The following CAPN5 variants were observed in gnomAD, a reference collection of about 807,000 sequenced individuals.
CAPN5 encodes the protein calpain 5.
CAPN5 carries 54 observed loss-of-function variants against 73.0 expected under a neutral mutation model. The observed-to-expected ratio is 0.74, with a 90% CI of 0.59 to 0.93. CAPN5 has a LOEUF of 0.93. Ranked by LOEUF, CAPN5 falls within the 40% of genes least tolerant of loss-of-function variation. CAPN5 has a pLI of 0.00. For missense variants in CAPN5, 785 were observed against 882.9 expected, an observed-to-expected ratio of 0.89 and a Z score of 1.41; for synonymous variants, 335 against 356.9, an observed-to-expected ratio of 0.94 and a Z score of 0.69.
Position 77,121,995 on chromosome 11 carries a change from C to A in CAPN5, c.1549C>A (p.Leu517Met). 1 of 1,563,886 alleles carries A rather than the reference C, an allele frequency of 6.4e-7. No individual in the cohort carries two copies. The highest frequency in any genetic ancestry group is 8.7e-7 in the Non-Finnish European group (1 of 1,153,680). Reference protein sequence around the residue: ...CWSSLCGYPQLVTQVHVLGAA... With the variant: ...CWSSLCGYPQMVTQVHVLGAA... ...GAGCTCCCTCTGTGGCTACCCCCAGCTGGTGACCCAGGTACATGTCCTGGG... is the reference window on the plus strand; with the variant it reads ...GAGCTCCCTCTGTGGCTACCCCCAGATGGTGACCCAGGTACATGTCCTGGG... The change falls in exon 11 of 13, where the codon CTG (leucine) becomes ATG (methionine). Residue 517 changes from leucine (L) to methionine (M), a missense_variant. Leu to Met is a conservative substitution (Grantham distance 15). Coordinates refer to ENST00000648180, the MANE Select transcript of CAPN5 (RefSeq NM_004055.5).
At chr11:77,121,373 G>A (rs1950518948) in intron 10 of CAPN5, among the ~76,000 whole-genome samples, 1 of 152,248 alleles carries the variant, frequency 6.6e-6, no homozygotes, top group African/African-American at 2.4e-5. Context: ...AGCTCTCTCA[G>A]TCCTTGCTGG....
intron 1 of CAPN5, among the ~76,000 whole-genome samples, chr11:77,071,068 G>T (rs1437828797): frequency 6.6e-6 from 1 of 152,186 alleles, no homozygotes; most frequent in African/African-American, 2.4e-5. Flanking sequence ...TATCTTTGGG[G>T]CCGTCATTCA....
intron 2 of CAPN5, among the ~76,000 whole-genome samples, chr11:77,092,631 G>C (rs1202549017): frequency 6.6e-6 from 1 of 152,248 alleles, no homozygotes; most frequent in African/African-American, 2.4e-5. Context: ...GGATTCCCTG[G>C]CTGCGTCTCA....
Position 77,120,726 on chromosome 11 carries a change from G to A in CAPN5, c.1304G>A (p.Arg435His), listed in dbSNP as rs781926169. ...CGCCTCCTGCAGGTGGAGGAGAACC[G>A]CCAGTACCGCATGCACAGCCTGCAG... is the stretch of plus-strand genomic sequence containing the variant. ...GFDIYKVEEN[R>H]QYRMHSLQHK... Residue 435 changes from arginine to histidine, a missense_variant, in exon 10 of 13, where the codon CGC becomes CAC. Physicochemically the swap from Arg to His is conservative, Grantham distance 29. Transcript: ENST00000648180. The A allele has an allele frequency of 6.8e-6, 11 of 1,608,600 alleles. No individual in the cohort carries two copies. The highest frequency in any genetic ancestry group is 4.5e-5 in the East Asian group (2 of 44,792).
intron 3 of CAPN5, among the ~76,000 whole-genome samples, chr11:77,099,663 G>A (rs1197044644): frequency 6.6e-6 from 1 of 151,358 alleles, no homozygotes; most frequent in African/African-American, 2.4e-5. Flanking sequence ...AGCCGAGATG[G>A]CAGCAGTACA....
In CAPN5 at chr11:77,101,773, C is replaced by T. The variant is rs530762438; in HGVS notation, c.297+7960C>T. On this transcript the variant is annotated intron_variant, in intron 3 of 12. Coordinates refer to ENST00000648180, the MANE Select transcript of CAPN5 (RefSeq NM_004055.5). Reference sequence around the variant, plus strand: ...CCCATCCCCACTCTCTCCCCAACTCCGGCTCCACTCACACTCCAGTTCTTT... The same window carrying T: ...CCCATCCCCACTCTCTCCCCAACTCTGGCTCCACTCACACTCCAGTTCTTT... Among the ~76,000 whole-genome samples the T allele has an allele frequency of 4.6e-5, 7 of 152,340 alleles. No individual in the cohort carries two copies. The South Asian group carries it at 6.2e-4, about 14-fold the overall frequency.
At chr11:77,084,536 T>C (rs1477249095) in intron 1 of CAPN5, among the ~76,000 whole-genome samples, 1 of 152,104 alleles carries the variant, frequency 6.6e-6, no homozygotes, top group Non-Finnish European at 1.5e-5. Context: ...TGATTCCGTC[T>C]GAGGAGGTGT....
chr11:77,100,977 C>T (rs1480903415), intron 3 of CAPN5, among the ~76,000 whole-genome samples: 1 of 152,212 alleles, frequency 6.6e-6, no homozygotes, highest in African/African-American at 2.4e-5. Flanking sequence ...TCTCTCTGAC[C>T]TCACCTTCCA....
At chr11:77,081,759 G>A (rs1432672485) in intron 1 of CAPN5, among the ~76,000 whole-genome samples, 5 of 152,158 alleles carry the variant, frequency 3.3e-5, no homozygotes, top group African/African-American at 1.2e-4. Context: ...TAGTGGGGAT[G>A]TGGGCACCGG....
chr11:77,081,616 GTC>G (rs540480876), intron 1 of CAPN5, among the ~76,000 whole-genome samples: 38 of 152,292 alleles, frequency 2.5e-4, no homozygotes, highest in African/African-American at 8.4e-4. Context: ...CTGGCACATT[GTC>G]TCTTCCAGAC....
In CAPN5 at chr11:77,115,663, T is replaced by G. The variant is rs1189122287; in HGVS notation, c.893+75T>G. ...AGGACGGGTGGGCTTCTTGGAGGAG[T>G]TGGCACTGGGGCTGGGCCTTGAAGG... On this transcript the variant is annotated intron_variant, in intron 6 of 12. Coordinates refer to ENST00000648180, the MANE Select transcript of CAPN5 (RefSeq NM_004055.5). The G allele has an allele frequency of 8.0e-6, 10 of 1,253,576 alleles. No individual in the cohort carries two copies. In the Admixed American group the frequency reaches 1.0e-4, roughly 13 times the overall value. The allele number at this position is 1,253,576 out of a possible 1,614,324, so 77.7% of individuals were successfully genotyped here.
rs115991462 is a variant in CAPN5 at position 77,091,564 on chromosome 11, A to G, written c.166-2118A>G. Among the ~76,000 whole-genome samples, 766 of 152,302 alleles carry G rather than the reference A, an allele frequency of 5.0e-3. 6 individuals carry two copies. The highest frequency in any genetic ancestry group is 0.018 in the African/African-American group (736 of 41,574). On this transcript the variant is annotated intron_variant, in intron 2 of 12. Transcript: ENST00000648180. The stretch of plus-strand genomic sequence containing the variant: ...GTGGTGTCAGCAGGATGCCTGGTAC[A>G]TGAAAGGCATGTCTCAGTGTTTGCC...
At chr11:77,123,333 A>G in intron 12 of CAPN5, among the ~76,000 whole-genome samples, 1 of 152,170 alleles carries the variant, frequency 6.6e-6, no homozygotes, top group Non-Finnish European at 1.5e-5. Context: ...ACAGACCTGT[A>G]TGTCTCAGGG....
At position 77,114,114 on chromosome 11, in the gene CAPN5, C is replaced by T. The variant is rs11601199; in HGVS notation, c.507-128C>T. 9.4e-3 allele frequency: 7,284 copies of T among 772,400 alleles called. 77 individuals carry two copies. Among genetic ancestry groups the T allele is most frequent in the Admixed American group, 9.6e-3 (445 of 46,274 alleles). 47.8% of individuals were successfully genotyped at this position (772,400 alleles called of 1,614,324 possible). On this transcript the variant is annotated intron_variant, in intron 4 of 12. Coordinates refer to ENST00000648180, the MANE Select transcript of CAPN5 (RefSeq NM_004055.5). ...AACTGGGTTCCAGTGTTGGCTCCGC[C>T]GTGGCCTGCTGCGTGACTGTAACAG...
chr11:77,110,584 A>C (rs574611156), intron 3 of CAPN5, among the ~76,000 whole-genome samples: 1 of 152,212 alleles, frequency 6.6e-6, no homozygotes, highest in Non-Finnish European at 1.5e-5. Context: ...GCCTTCTGCC[A>C]GCACCTTCCG....
intron 3 of CAPN5, among the ~76,000 whole-genome samples, chr11:77,101,889 A>T (rs1033620436): frequency 3.3e-5 from 5 of 152,144 alleles, no homozygotes; most frequent in Non-Finnish European, 7.3e-5. Flanking sequence ...CCCCTGGGGG[A>T]AACTGAGGAT....
At chr11:77,118,094 G>C in intron 7 of CAPN5, 63 bp from the exon 8 acceptor site, 1 of 1,463,662 alleles carries the variant, frequency 6.8e-7, no homozygotes, top group Admixed American at 1.9e-5. Context: ...TTGTTGGGCT[G>C]GGGGGCCAAG....
intron 1 of CAPN5, among the ~76,000 whole-genome samples, chr11:77,081,141 C>T (rs1950023702): frequency 6.6e-6 from 1 of 152,198 alleles, no homozygotes; most frequent in African/African-American, 2.4e-5. Context: ...TCTGCAGCCT[C>T]TTATGCAGAT....
At chr11:77,118,477 G>T in intron 8 of CAPN5, 125 bp downstream of exon 8, 1 of 774,414 alleles carries the variant, frequency 1.3e-6, no homozygotes, top group Non-Finnish European at 2.0e-6. Flanking sequence ...CAGCAAACCT[G>T]TCTGTACAGT....
Sources: allele counts gnomAD v4.1 joint callset (sites outside exome capture counted in the v4.1 genomes callset), GRCh38; gene constraint gnomAD v4.1.1; transcripts MANE v1.5; gene names NCBI Gene and HGNC (gene_info 2026-07-23, HGNC 2026-07-21).